NUDT19: variants seen among roughly 807,000 people sequenced by gnomAD.
NUDT19 encodes acyl-coenzyme A diphosphatase NUDT19.
NUDT19 carries 31 observed loss-of-function variants against 22.2 expected under a neutral mutation model. That is an observed-to-expected ratio of 1.40 (90% CI 1.05 to 1.89). The LOEUF (loss-of-function observed/expected upper bound fraction) is 1.89, where lower values mean the gene tolerates loss of function less well. Ranked by LOEUF, NUDT19 falls within the 40% of genes most tolerant of loss-of-function variation. The pLI, the probability that NUDT19 is intolerant of heterozygous loss-of-function variation, is 0.00. For synonymous variants in NUDT19, 325 were observed against 230.8 expected (o/e 1.41, Z -3.70); for missense variants, 752 against 514.2 (o/e 1.46, Z -4.47).
Position 32,709,189 on chromosome 19 carries a change from C to G in NUDT19, c.719C>G (p.Ser240Ter). ...CCCTGCCTTTGTCTTTCACAGTGGTCATCTCCATCAGAGGCAACTGAAAGT... is the reference window on the plus strand; with the variant it reads ...CCCTGCCTTTGTCTTTCACAGTGGTGATCTCCATCAGAGGCAACTGAAAGT... Reference protein sequence around the residue: ...DLAEVVGYQWSSPSEATESFL... With the variant: ...DLAEVVGYQW The change falls in exon 2 of 3, where the codon TCA becomes TGA. Residue 240 changes from serine to a stop codon, truncating the protein, a stop_gained. Coordinates refer to ENST00000397061, the MANE Select transcript of NUDT19 (RefSeq NM_001105570.2). LOFTEE classifies it high-confidence loss of function. The G allele has an allele frequency of 6.2e-7, 1 of 1,610,308 alleles. No individual in the cohort carries two copies. The highest frequency in any genetic ancestry group is 2.2e-5 in the East Asian group (1 of 44,872).
intron 1 of NUDT19, among the ~76,000 whole-genome samples, chr19:32,696,905 G>A (rs1430892601): frequency 6.6e-6 from 1 of 152,126 alleles, no homozygotes; most frequent in Non-Finnish European, 1.5e-5. Flanking sequence ...ACATGAGCTG[G>A]TGCTTTCCCT....
At chr19:32,697,077 C>T (rs1349500391) in intron 1 of NUDT19, among the ~76,000 whole-genome samples, 1 of 152,064 alleles carries the variant, frequency 6.6e-6, no homozygotes, top group Non-Finnish European at 1.5e-5. Context: ...AAAAAGTGTC[C>T]TTGTAAACCA....
At chr19:32,697,548 G>A (rs1041784992) in intron 1 of NUDT19, among the ~76,000 whole-genome samples, 18 of 152,110 alleles carry the variant, frequency 1.2e-4, no homozygotes, top group African/African-American at 4.1e-4. Context: ...AGATGTTTAC[G>A]ACTCCAGTCC....
At chr19:32,699,516 G>A (rs6510280) in intron 1 of NUDT19, among the ~76,000 whole-genome samples, 52,127 of 151,946 alleles carry the variant, frequency 0.34, 8,983 homozygotes, top group Middle Eastern at 0.4. Flanking sequence ...TCCCCACTCC[G>A]AAGAGTCGGG....
intron 1 of NUDT19, among the ~76,000 whole-genome samples, chr19:32,704,030 T>C (rs938731573): frequency 6.6e-6 from 1 of 152,154 alleles, no homozygotes; most frequent in Non-Finnish European, 1.5e-5. Flanking sequence ...GGTATCCTTC[T>C]GCCTAAAGAA....
chr19:32,694,008 C>T (rs911890161), intron 1 of NUDT19, among the ~76,000 whole-genome samples: 20 of 152,274 alleles, frequency 1.3e-4, no homozygotes, highest in South Asian at 2.1e-4. Context: ...GCCAGTGGGT[C>T]GGTCCAGGGG....
chr19:32,711,906 G>C lies in NUDT19; in HGVS notation c.1077G>C (p.Lys359Asn). The C allele has an allele frequency of 6.2e-7, 1 of 1,614,034 alleles. No individual in the cohort carries two copies. The highest frequency in any genetic ancestry group is 1.3e-5 in the African/African-American group (1 of 75,034). Residue 359 changes from lysine (K) to asparagine (N), a missense_variant, in exon 3 of 3, where the codon AAG becomes AAC. By Grantham distance (94) the Lys-to-Asn change is moderately conservative (BLOSUM62 0). Transcript: ENST00000397061. ...LYDIHVTVQPKYKHVYPKNSV... is the reference protein window; with the variant it reads ...LYDIHVTVQPNYKHVYPKNSV... Reference sequence around the variant, plus strand: ...ATATCCACGTGACTGTTCAGCCAAAGTATAAACACGTTTATCCTAAGAACT... The same window carrying C: ...ATATCCACGTGACTGTTCAGCCAAACTATAAACACGTTTATCCTAAGAACT...
rs573879610 is a variant in NUDT19 at position 32,712,701 on chromosome 19, A to T, written c.*744A>T. 1 of 152,070 alleles carries T rather than the reference A, an allele frequency of 6.6e-6. No individual in the cohort carries two copies. The highest frequency in any genetic ancestry group is 2.4e-5 in the African/African-American group (1 of 41,408). The allele number at this position is 152,070 out of a possible 1,614,324, so 9.4% of individuals were successfully genotyped here. On this transcript the variant is annotated 3_prime_UTR_variant, in exon 3 of 3. Coordinates refer to ENST00000397061, the MANE Select transcript of NUDT19 (RefSeq NM_001105570.2). ...CACTGTGCCCAGCATGGTGTTTCTTATATCAGGTGTTTTAGGGAGCTCGCT... is the reference window on the plus strand; with the variant it reads ...CACTGTGCCCAGCATGGTGTTTCTTTTATCAGGTGTTTTAGGGAGCTCGCT...
At chr19:32,709,639 C>T (rs1346736062) in intron 2 of NUDT19, among the ~76,000 whole-genome samples, 9 of 151,726 alleles carry the variant, frequency 5.9e-5, no homozygotes, top group Admixed American at 5.9e-4. Context: ...AGGTCTTTCT[C>T]ATATAATTTC....
Position 32,692,197 on chromosome 19 carries a change from C to A in NUDT19, c.237C>A (p.Leu79=), listed in dbSNP as rs547610968. ...AADRSADWLG[L]FAPHHGPPRF... ...ACCGCTCGGCGGACTGGCTGGGCCT[C>A]TTCGCGCCGCACCACGGGCCGCCGC... is the stretch of plus-strand genomic sequence containing the variant. Residue 79 remains leucine, a synonymous_variant, in exon 1 of 3, where the codon CTC becomes CTA. Transcript: ENST00000397061. The A allele has an allele frequency of 1.2e-5, 19 of 1,573,594 alleles. No homozygotes were observed. In the South Asian group the frequency reaches 1.8e-4, roughly 15 times the overall value.
At chr19:32,708,157 A>T (rs891721665) in intron 1 of NUDT19, among the ~76,000 whole-genome samples, 4 of 147,722 alleles carry the variant, frequency 2.7e-5, no homozygotes, top group Non-Finnish European at 6.0e-5. Context: ...AAAAAAAAAA[A>T]AAAATCACGA....
intron 2 of NUDT19, among the ~76,000 whole-genome samples, chr19:32,710,434 A>C (rs906572290): frequency 2.0e-5 from 3 of 151,606 alleles, no homozygotes; most frequent in African/African-American, 7.3e-5. Context: ...AAAAAAAAAA[A>C]AAAACAAATT....
Position 32,712,376 on chromosome 19 carries a change from CTT to C in NUDT19, c.*445_*446del. On this transcript the variant is annotated 3_prime_UTR_variant, in exon 3 of 3. Transcript: ENST00000397061. ...ACAGGTGTGGGCCACCACACCCAGC[CTT>C]TTTTTTTTTTTTTTTTTTTTTTTTT... 2 of 58,598 alleles carry C rather than the reference CTT, an allele frequency of 3.4e-5. No homozygotes were observed. Among genetic ancestry groups the C allele is most frequent in the Admixed American group, 2.1e-4 (1 of 4,838 alleles). The allele number at this position is 58,598 out of a possible 1,614,324, so 3.6% of individuals were successfully genotyped here.
rs1480626394 is a variant in NUDT19, at chr19:32,712,478, C to T, written c.*521C>T. Reference sequence around the variant, plus strand: ...CCCAATCTCGGCTCACTGCAACCTCCACCTCCCAGGTTCCAGCGATTCTCA... The same window carrying T: ...CCCAATCTCGGCTCACTGCAACCTCTACCTCCCAGGTTCCAGCGATTCTCA... On this transcript the variant is annotated 3_prime_UTR_variant, in exon 3 of 3. Transcript: ENST00000397061. 2 of 146,522 alleles carry T rather than the reference C, an allele frequency of 1.4e-5. No homozygotes were observed. Among genetic ancestry groups the T allele is most frequent in the African/African-American group, 5.1e-5 (2 of 39,132 alleles). 9.1% of individuals were successfully genotyped at this position (146,522 alleles called of 1,614,324 possible). A position where few individuals can be genotyped will look rare whatever the true frequency, so the allele number is the denominator to read the frequency against.
rs186611634 is a variant in NUDT19 at position 32,705,005 on chromosome 19, G to A, written c.715-4180G>A. ...ACCTGTAATCCCAGCTACTTGGGGG[G>A]CCAAGGCAGAAGAATCGGTTGAACC... On this transcript the variant is annotated intron_variant, in intron 1 of 2. Coordinates refer to ENST00000397061, the MANE Select transcript of NUDT19 (RefSeq NM_001105570.2). 1.4e-3 allele frequency among the ~76,000 whole-genome samples: 207 copies of A among 150,766 alleles called. 1 individual carries two copies. The highest frequency in any genetic ancestry group is 4.9e-3 in the African/African-American group (199 of 41,008).
chr19:32,711,127 C>T (rs1005774264), intron 2 of NUDT19, among the ~76,000 whole-genome samples: 1 of 151,894 alleles, frequency 6.6e-6, no homozygotes, highest in African/African-American at 2.4e-5. Context: ...TTTATGGGCC[C>T]AAAGAAAACT....
At chr19:32,695,280 A>G (rs932106914) in intron 1 of NUDT19, among the ~76,000 whole-genome samples, 2 of 152,088 alleles carry the variant, frequency 1.3e-5, no homozygotes, top group African/African-American at 4.8e-5. Context: ...CCCGGGTTCA[A>G]GCAATTCTCC....
At chr19:32,710,433 AAAAAAC>A (rs1037015958) in intron 2 of NUDT19, among the ~76,000 whole-genome samples, 3 of 151,630 alleles carry the variant, frequency 2.0e-5, no homozygotes, top group Non-Finnish European at 4.4e-5. Context: ...AAAAAAAAAA[AAAAAAC>A]AAATTAGCCA....
Position 32,695,726 on chromosome 19 carries a change from CA to C in NUDT19, c.714+3053del, listed in dbSNP as rs374402994. Among the ~76,000 whole-genome samples the C allele has an allele frequency of 5.7e-3, 873 of 152,346 alleles. 6 individuals carry two copies. Among genetic ancestry groups the C allele is most frequent in the African/African-American group, 0.02 (821 of 41,574 alleles). On this transcript the variant is annotated intron_variant, in intron 1 of 2. Transcript: ENST00000397061. The stretch of plus-strand genomic sequence containing the variant: ...GTTTTTGCATTGAGTGCAATAACTC[CA>C]TGATTTCCTTGTGGTATTTAATGGG...
Sources: allele counts gnomAD v4.1 joint callset (sites outside exome capture counted in the v4.1 genomes callset), GRCh38; gene constraint gnomAD v4.1.1; transcripts MANE v1.5; gene names NCBI Gene and HGNC (gene_info 2026-07-23, HGNC 2026-07-21).